The following IL3RA variants were observed in gnomAD, a reference collection of about 807,000 sequenced individuals.
The protein encoded by IL3RA is interleukin-3 receptor subunit alpha.
Under a neutral mutation model 52.3 loss-of-function variants are expected in IL3RA, and 73 were observed. The observed-to-expected ratio is 1.40, with a 90% CI of 1.16 to 1.70. The LOEUF (loss-of-function observed/expected upper bound fraction) is 1.70, where lower values mean the gene tolerates loss of function less well. Ranked by LOEUF, IL3RA falls within the 40% of genes most tolerant of loss-of-function variation. IL3RA has a pLI of 0.00. For missense variants in IL3RA, 664 were observed against 504.4 expected (o/e 1.32, Z -3.03); for synonymous variants, 260 against 194.0 (o/e 1.34, Z -2.83).
At chrX:1,356,380 T>A in intron 7 of IL3RA, 44 bp downstream of exon 7, 1 of 1,171,040 alleles carries the variant, frequency 8.5e-7, no homozygotes, top group Non-Finnish European at 1.2e-6. Context: ...CCCGTGGACA[T>A]CCCTTATTTT....
At chrX:1,344,969 T>A (rs1235121912) in intron 2 of IL3RA, among the ~76,000 whole-genome samples, 3 of 146,298 alleles carry the variant, frequency 2.1e-5, no homozygotes, top group African/African-American at 7.5e-5. Context: ...GAGACCATCC[T>A]GGCTAACACG....
At chrX:1,363,983 C>G (rs1330098278) in intron 8 of IL3RA, among the ~76,000 whole-genome samples, 2 of 145,888 alleles carry the variant, frequency 1.4e-5, no homozygotes, top group Non-Finnish European at 3.0e-5. Context: ...GAAATCAAGA[C>G]CATCCTGGCT....
intron 10 of IL3RA, among the ~76,000 whole-genome samples, chrX:1,379,225 G>T (rs1394804150): frequency 8.6e-5 from 13 of 151,424 alleles, no homozygotes; most frequent in African/African-American, 2.9e-4. Flanking sequence ...GCTCGATCTC[G>T]GCTCACCGCA....
intron 10 of IL3RA, among the ~76,000 whole-genome samples, chrX:1,380,685 A>G (rs1318554003): frequency 1.1e-4 from 6 of 55,020 alleles, no homozygotes; most frequent in South Asian, 8.5e-4. Context: ...TGGAGGAGGG[A>G]GGAAAAGGGG....
At chrX:1,378,081 G>A (rs1331647849) in intron 9 of IL3RA, among the ~76,000 whole-genome samples, 1 of 150,574 alleles carries the variant, frequency 6.6e-6, no homozygotes, top group African/African-American at 2.4e-5. Context: ...AGCTACTCGG[G>A]AGGCAGGGGC....
intron 1 of IL3RA, among the ~76,000 whole-genome samples, chrX:1,339,132 G>T (rs1320911787): frequency 6.6e-6 from 1 of 151,302 alleles, no homozygotes; most frequent in African/African-American, 2.5e-5. Context: ...GAGCCACCGC[G>T]CCTGGCCAAT....
At chrX:1,377,777 C>T (rs1251866344) in intron 9 of IL3RA, among the ~76,000 whole-genome samples, 2 of 147,868 alleles carry the variant, frequency 1.4e-5, no homozygotes, top group East Asian at 3.9e-4. Flanking sequence ...GCGATCCTCT[C>T]GGGAGGCTAA....
intron 4 of IL3RA, among the ~76,000 whole-genome samples, chrX:1,351,249 A>ATAT (rs1327036175): frequency 6.6e-6 from 1 of 152,186 alleles, no homozygotes; most frequent in Non-Finnish European, 1.5e-5. Flanking sequence ...GGATCTCTCC[A>ATAT]TATTATTATT....
intron 8 of IL3RA, among the ~76,000 whole-genome samples, chrX:1,361,653 T>C (rs1450902188): frequency 6.7e-6 from 1 of 148,702 alleles, no homozygotes; most frequent in East Asian, 2.0e-4. Context: ...CTCGGGAGGC[T>C]GAAGCAGGAG....
chrX:1,363,583 T>C (rs1209522425), intron 8 of IL3RA, among the ~76,000 whole-genome samples: 9 of 147,766 alleles, frequency 6.1e-5, no homozygotes, highest in Non-Finnish European at 1.1e-4. Flanking sequence ...CCACCGCGCC[T>C]GGCCGAGCTA....
At chrX:1,381,988 C>T (rs1380732869) in intron 11 of IL3RA, among the ~76,000 whole-genome samples, 2 of 148,342 alleles carry the variant, frequency 1.3e-5, no homozygotes, top group Middle Eastern at 3.5e-3. Flanking sequence ...TTCGTTGCCC[C>T]GGCTGGAGTG....
chrX:1,364,676 C>T (rs1335751216), intron 8 of IL3RA, among the ~76,000 whole-genome samples: 6 of 150,738 alleles, frequency 4.0e-5, no homozygotes, highest in Non-Finnish European at 7.4e-5. Flanking sequence ...TGGGGTCTTG[C>T]TATGTTGCCC....
intron 2 of IL3RA, among the ~76,000 whole-genome samples, chrX:1,342,435 G>C (rs1171639600): frequency 6.6e-6 from 1 of 151,882 alleles, no homozygotes; most frequent in Non-Finnish European, 1.5e-5. Context: ...CAAAGTGCTG[G>C]GATTACAGGT....
chrX:1,338,030 G>A (rs138506212), intron 1 of IL3RA, among the ~76,000 whole-genome samples: 5 of 145,314 alleles, frequency 3.4e-5, no homozygotes, highest in African/African-American at 1.3e-4. Context: ...ATATAATGTG[G>A]TCCAGACACA....
chrX:1,367,707 C>A (rs865910602), intron 9 of IL3RA, among the ~76,000 whole-genome samples: 3 of 99,992 alleles, frequency 3.0e-5, no homozygotes, highest in South Asian at 3.8e-4. Context: ...GAGCCGGGTG[C>A]GCGGGGTGAG....
intron 1 of IL3RA, among the ~76,000 whole-genome samples, chrX:1,339,486 G>A (rs1389507100): frequency 5.9e-5 from 9 of 152,086 alleles, no homozygotes; most frequent in African/African-American, 1.2e-4. Context: ...TGACGCTAAC[G>A]CCATTTGGTT....
chrX:1,356,328 A>C lies in IL3RA; in HGVS notation c.724A>C (p.Ile242Leu), dbSNP rs758206396. The change falls in exon 7 of 12, where the codon ATA becomes CTA. Residue 242 changes from isoleucine (I) to leucine (L), a missense_variant. Transcript: ENST00000331035. Reference sequence around the variant, plus strand: ...TCGCAAATTTCGCTATGAGCTTCAGATACAAAAGGTAAACTTTCACCCCGC... The same window carrying C: ...TCGCAAATTTCGCTATGAGCTTCAGCTACAAAAGGTAAACTTTCACCCCGC... ...FNRKFRYELQ[I>L]QKRMQPVITE... The C allele has an allele frequency of 1.9e-6, 3 of 1,608,800 alleles. No individual in the cohort carries two copies. The African/African-American group carries it at 4.0e-5, about 22-fold the overall frequency.
intron 4 of IL3RA, among the ~76,000 whole-genome samples, chrX:1,350,588 TA>T (rs372441655): frequency 0.76 from 91,891 of 121,448 alleles, 35,173 homozygotes; most frequent in Middle Eastern, 0.85. Context: ...AAATTCCATC[TA>T]AAAAAAAAAA....
intron 1 of IL3RA, among the ~76,000 whole-genome samples, chrX:1,340,834 G>A (rs778260068): frequency 1.3e-5 from 2 of 151,762 alleles, no homozygotes; most frequent in East Asian, 3.9e-4. Flanking sequence ...TACAAAAAGT[G>A]GGCTGGACGC....
Sources: gnomAD v4.1 joint callset for allele counts (sites outside exome capture counted in the v4.1 genomes callset) on GRCh38, gnomAD v4.1.1 for gene constraint, MANE v1.5 for transcripts, NCBI Gene and HGNC (gene_info 2026-07-23, HGNC 2026-07-21) for gene names.